Variants in TTC28 observed in about 807,000 individuals in gnomAD.
The protein encoded by TTC28 is tetratricopeptide repeat domain 28.
TTC28 carries 61 observed loss-of-function variants against 198.0 expected under a neutral mutation model. The observed-to-expected ratio is 0.31, with a 90% CI of 0.25 to 0.38. The LOEUF (loss-of-function observed/expected upper bound fraction) is 0.38, where lower values mean the gene tolerates loss of function less well. Ranked by LOEUF, TTC28 falls within the 10% of genes least tolerant of loss-of-function variation. The pLI is 1.00. For missense variants in TTC28, 2,678 were observed against 3,164.0 expected (o/e 0.85, Z 3.69); for synonymous variants, 1,171 against 1,297.8 (o/e 0.90, Z 2.10).
intron 2 of TTC28, among the ~76,000 whole-genome samples, chr22:28,405,297 G>A (rs2046983039): frequency 6.6e-6 from 1 of 152,012 alleles, no homozygotes. Context: ...TAAAATCTAT[G>A]GTAAAGTGTT....
chr22:27,999,326 C>G (rs78439401), intron 15 of TTC28, 66 bp from the exon 16 acceptor site: 5 of 1,481,348 alleles, frequency 3.4e-6, no homozygotes, highest in East Asian at 2.5e-5. Context: ...CGGCAGTGGT[C>G]GGCCGAGCAC....
intron 12 of TTC28, among the ~76,000 whole-genome samples, chr22:28,067,666 T>C (rs905611479): frequency 1.3e-5 from 2 of 152,196 alleles, no homozygotes; most frequent in Admixed American, 6.5e-5. Context: ...ACAACAGAGA[T>C]ATTCACCAAA....
chr22:28,659,382 C>T (rs571418213), intron 1 of TTC28, among the ~76,000 whole-genome samples: 14 of 152,178 alleles, frequency 9.2e-5, no homozygotes, highest in African/African-American at 3.4e-4. Context: ...GATTCTCATG[C>T]CTCTGCCTCC....
intron 5 of TTC28, among the ~76,000 whole-genome samples, chr22:28,286,628 T>C (rs6005754): frequency 0.54 from 82,660 of 151,982 alleles, 23,157 homozygotes; most frequent in South Asian, 0.69. Context: ...CAATAACTAA[T>C]TCATACATTA....
chr22:28,045,661 TATCCAATAAAGAGTC>T (rs1289555818), intron 12 of TTC28, among the ~76,000 whole-genome samples: 1 of 152,174 alleles, frequency 6.6e-6, no homozygotes, highest in Non-Finnish European at 1.5e-5. Context: ...TATACAGATA[TATCCAATAAAGAGTC>T]ATCCCAGCCA....
At chr22:28,651,714 C>T (rs904449508) in intron 1 of TTC28, among the ~76,000 whole-genome samples, 20 of 148,624 alleles carry the variant, frequency 1.3e-4, no homozygotes, top group Non-Finnish European at 1.8e-4. Context: ...GCTTGGCCCT[C>T]GCCACCCTCC....
chr22:28,323,779 C>A (rs973900114), intron 2 of TTC28, among the ~76,000 whole-genome samples: 3 of 152,012 alleles, frequency 2.0e-5, no homozygotes, highest in Non-Finnish European at 2.9e-5. Flanking sequence ...TATAGAACAC[C>A]AAGCAGATTT....
intron 6 of TTC28, among the ~76,000 whole-genome samples, chr22:28,146,766 T>C (rs1943479291): frequency 6.6e-6 from 1 of 152,122 alleles, no homozygotes; most frequent in African/African-American, 2.4e-5. Flanking sequence ...TTCAAATAAG[T>C]GGCCAGCTCT....
chr22:28,034,533 G>A (rs1939255808), intron 12 of TTC28, among the ~76,000 whole-genome samples: 1 of 152,154 alleles, frequency 6.6e-6, no homozygotes, highest in African/African-American at 2.4e-5. Context: ...CTGGACTCTG[G>A]AGGGTAAAAG....
chr22:28,085,201 C>T (rs771667533), intron 12 of TTC28, among the ~76,000 whole-genome samples: 11 of 151,872 alleles, frequency 7.2e-5, no homozygotes, highest in Non-Finnish European at 1.6e-4. Context: ...CTCCAAGACA[C>T]ATCATTGTCA....
chr22:28,678,450 C>CCTCAAGCCCCTGGG (rs1461411354), intron 1 of TTC28, among the ~76,000 whole-genome samples: 5 of 152,264 alleles, frequency 3.3e-5, no homozygotes, highest in Admixed American at 6.5e-5. Context: ...CTCACTACAG[C>CCTCAAGCCCCTGGG]CTCAAGCCCC....
intron 2 of TTC28, among the ~76,000 whole-genome samples, chr22:28,457,072 C>G (rs1212293053): frequency 1.3e-5 from 2 of 152,192 alleles, no homozygotes; most frequent in East Asian, 3.9e-4. Flanking sequence ...CTATAATTAT[C>G]ATTGTCTGTA....
intron 2 of TTC28, among the ~76,000 whole-genome samples, chr22:28,585,732 T>G (rs1407526450): frequency 6.6e-6 from 1 of 152,120 alleles, no homozygotes; most frequent in Non-Finnish European, 1.5e-5. Context: ...AGCTGGGATT[T>G]CAAACTAGGG....
intron 2 of TTC28, among the ~76,000 whole-genome samples, chr22:28,593,241 A>G (rs2050467267): frequency 6.6e-6 from 1 of 152,164 alleles, no homozygotes; most frequent in South Asian, 2.1e-4. Context: ...AGCTTTTGAG[A>G]AAACTGAAAG....
chr22:28,109,360 T>C (rs1218006453), intron 6 of TTC28, among the ~76,000 whole-genome samples: 1 of 152,210 alleles, frequency 6.6e-6, no homozygotes, highest in African/African-American at 2.4e-5. Context: ...AAATGCTGCA[T>C]GCTCCCGTGA....
intron 12 of TTC28, among the ~76,000 whole-genome samples, chr22:28,044,146 C>G (rs1939770451): frequency 6.6e-6 from 1 of 152,192 alleles, no homozygotes; most frequent in Non-Finnish European, 1.5e-5. Context: ...ATTCACTGGT[C>G]TCTCTAGAAA....
rs910246819 is a variant in TTC28 at position 27,988,061 on chromosome 22, T to TA, written c.5707+1816dup. ...GAAACCCAATCTCTACAAAAAAAGT[T>TA]AAAAAAAAATAAAAAACCAAGTAAT... On this transcript the variant is annotated intron_variant, in intron 21 of 22. Transcript: ENST00000397906. Among the ~76,000 whole-genome samples, 153 of 150,792 alleles carry TA rather than the reference T, an allele frequency of 1.0e-3. 2 individuals are homozygous for TA. The highest frequency in any genetic ancestry group is 4.0e-4 in the Non-Finnish European group (27 of 67,592).
At chr22:28,441,965 T>C (rs1446621103) in intron 2 of TTC28, among the ~76,000 whole-genome samples, 1 of 151,376 alleles carries the variant, frequency 6.6e-6, no homozygotes, top group Non-Finnish European at 1.5e-5. Flanking sequence ...TCAGACAAGT[T>C]GGCAAAAAGG....
At chr22:28,663,344 G>T (rs1260949361) in intron 1 of TTC28, among the ~76,000 whole-genome samples, 1 of 146,010 alleles carries the variant, frequency 6.8e-6, no homozygotes, top group Non-Finnish European at 1.5e-5. Context: ...CAGCGTGAGC[G>T]ACACAGAAGA....
Sources: gnomAD v4.1 joint callset for allele counts (sites outside exome capture counted in the v4.1 genomes callset) on GRCh38, gnomAD v4.1.1 for gene constraint, MANE v1.5 for transcripts, NCBI Gene and HGNC (gene_info 2026-07-23, HGNC 2026-07-21) for gene names.